Variants in PCDHGB4 observed in about 807,000 individuals in gnomAD.
PCDHGB4 encodes the protein protocadherin gamma-B4.
In PCDHGB4, 38 loss-of-function variants were observed where a neutral mutation model predicts 60.5. That is an observed-to-expected ratio of 0.63 (90% CI 0.48 to 0.82). The LOEUF (loss-of-function observed/expected upper bound fraction) is 0.82, where lower values mean the gene tolerates loss of function less well. Ranked by LOEUF, PCDHGB4 falls within the 40% of genes least tolerant of loss-of-function variation. PCDHGB4 has a pLI of 0.00. For missense variants in PCDHGB4, 1,109 were observed against 1,209.6 expected, an observed-to-expected ratio of 0.92 and a Z score of 1.23; for synonymous variants, 456 against 509.7, an observed-to-expected ratio of 0.89 and a Z score of 1.42.
chr5:141,421,031 T>A, intron 1 of PCDHGB4: 1 of 529,760 alleles, frequency 1.9e-6, no homozygotes, highest in Non-Finnish European at 3.3e-6. Context: ...CGCCATTGAG[T>A]CCCTCCCTCC....
chr5:141,406,761 A>T (rs1327829124), intron 1 of PCDHGB4, among the ~76,000 whole-genome samples: 1 of 152,234 alleles, frequency 6.6e-6, no homozygotes. Flanking sequence ...ACAAGGAATT[A>T]AAAATATTTC....
At chr5:141,408,556 T>G (rs1215804867) in intron 1 of PCDHGB4, 1 of 1,613,940 alleles carries the variant, frequency 6.2e-7, no homozygotes, top group Non-Finnish European at 8.5e-7. Context: ...ATATTTTTCA[T>G]GTCATTGTGG....
chr5:141,493,340 T>C lies in PCDHGB4; in HGVS notation c.2398-1467T>C, dbSNP rs889623993. Among the ~76,000 whole-genome samples, 1 of 152,202 alleles carries C rather than the reference T, an allele frequency of 6.6e-6. No homozygotes were observed. Among genetic ancestry groups the C allele is most frequent in the Admixed American group, 6.5e-5 (1 of 15,288 alleles). Reference sequence around the variant, plus strand: ...TTCTAACCCCTGTCTAACTCCAGAATGTGTGCTTTTAATTTCTTGGCACTT... The same window carrying C: ...TTCTAACCCCTGTCTAACTCCAGAACGTGTGCTTTTAATTTCTTGGCACTT... On this transcript the variant is annotated intron_variant, in intron 1 of 3. Coordinates refer to ENST00000519479, the MANE Select transcript of PCDHGB4 (RefSeq NM_003736.4). The surrounding 1 kb of genome is among the most constrained non-coding windows in gnomAD (Gnocchi z 4.3).
rs2096315825 is a variant in PCDHGB4 at position 141,419,028 on chromosome 5, T to C, written c.2397+28747T>C. On this transcript the variant is annotated intron_variant, in intron 1 of 3. Coordinates refer to ENST00000519479, the MANE Select transcript of PCDHGB4 (RefSeq NM_003736.4). ...GTCAGGTGTAGCTTAAGTAGAGGTG[T>C]TCCATTTAAGATTCATTCTTCTTCT... 5.0e-6 allele frequency: 8 copies of C among 1,613,638 alleles called. No individual in the cohort carries two copies. The South Asian group carries it at 8.8e-5, about 18-fold the overall frequency.
intron 1 of PCDHGB4, chr5:141,394,616 C>T (rs2093043198): frequency 1.2e-6 from 2 of 1,613,490 alleles, no homozygotes; most frequent in East Asian, 2.2e-5. Flanking sequence ...CGGGCCAGAA[C>T]GCCTGGCTGT....
At chr5:141,499,606 C>T (rs2099792968) in intron 2 of PCDHGB4, among the ~76,000 whole-genome samples, 1 of 152,028 alleles carries the variant, frequency 6.6e-6, no homozygotes, top group African/African-American at 2.4e-5. Context: ...TATCCCTACC[C>T]TTATCCTGTC....
chr5:141,399,091 G>A (rs1299050213), intron 1 of PCDHGB4: 2 of 1,613,762 alleles, frequency 1.2e-6, no homozygotes, highest in South Asian at 1.1e-5. Context: ...GGATGGTGGT[G>A]GACTGGTTGC....
At chr5:141,415,809 CTA>C in intron 1 of PCDHGB4, 1 of 1,346,328 alleles carries the variant, frequency 7.4e-7, no homozygotes, top group Non-Finnish European at 9.5e-7. Flanking sequence ...CAATCAAGGC[CTA>C]TATATCATAA....
chr5:141,400,091 C>T, intron 1 of PCDHGB4: 4 of 1,614,072 alleles, frequency 2.5e-6, no homozygotes, highest in South Asian at 1.1e-5. Context: ...GCCACCGCCA[C>T]GCTGCACTTG....
intron 1 of PCDHGB4, among the ~76,000 whole-genome samples, chr5:141,446,610 G>A (rs1167777615): frequency 6.6e-6 from 1 of 152,098 alleles, no homozygotes; most frequent in Non-Finnish European, 1.5e-5. Flanking sequence ...CTGAGTAGCT[G>A]GGACTACAGG....
At chr5:141,478,567 C>T (rs371741874) in intron 1 of PCDHGB4, 20 of 1,593,698 alleles carry the variant, frequency 1.3e-5, no homozygotes, top group Non-Finnish European at 1.7e-5. Flanking sequence ...GCAAGTCATG[C>T]TTGACCCTGT....
intron 1 of PCDHGB4, chr5:141,427,712 C>A: frequency 9.5e-7 from 1 of 1,051,464 alleles, no homozygotes; most frequent in Non-Finnish European, 1.4e-6. Context: ...GCGCCTCTGA[C>A]CTGGACCTAG....
intron 1 of PCDHGB4, chr5:141,427,842 C>T: frequency 6.5e-7 from 1 of 1,549,268 alleles, no homozygotes. Flanking sequence ...TGCCTTCGAC[C>T]ACGAGCAGCT....
rs187873649 is a variant in PCDHGB4, at chr5:141,469,715, G to A, written c.2398-25092G>A. ...TATGACCTAGTAATCACACTATTAG[G>A]AATTTATCATAAATACACACCTCAA... On this transcript the variant is annotated intron_variant, in intron 1 of 3. Coordinates refer to ENST00000519479, the MANE Select transcript of PCDHGB4 (RefSeq NM_003736.4). Among the ~76,000 whole-genome samples, 552 of 152,160 alleles carry A rather than the reference G, an allele frequency of 3.6e-3. 1 individual carries two copies. Among genetic ancestry groups the A allele is most frequent in the Non-Finnish European group, 5.8e-3 (397 of 68,008 alleles).
chr5:141,398,889 C>A (rs1300521650), intron 1 of PCDHGB4: 2 of 1,613,958 alleles, frequency 1.2e-6, no homozygotes, highest in Non-Finnish European at 1.7e-6. Context: ...TTCGGGAAAA[C>A]GTGCCACCAG....
At chr5:141,419,301 T>G in intron 1 of PCDHGB4, 6 of 1,613,998 alleles carry the variant, frequency 3.7e-6, no homozygotes, top group Non-Finnish European at 5.1e-6. Context: ...GACCCAGACT[T>G]CGGGCTCAAC....
At chr5:141,418,512 G>C (rs776986277) in intron 1 of PCDHGB4, 1 of 1,613,966 alleles carries the variant, frequency 6.2e-7, no homozygotes, top group Non-Finnish European at 8.5e-7. Context: ...TTAGATGGTG[G>C]GGACCCTCCC....
intron 1 of PCDHGB4, among the ~76,000 whole-genome samples, chr5:141,488,117 G>A (rs1231303931): frequency 6.6e-6 from 1 of 152,190 alleles, no homozygotes; most frequent in African/African-American, 2.4e-5. Flanking sequence ...GAAACATAGA[G>A]ACAGCAGAAA....
At chr5:141,426,655 A>C (rs2096950037) in intron 1 of PCDHGB4, 1 of 424,748 alleles carries the variant, frequency 2.4e-6, no homozygotes, top group Non-Finnish European at 4.8e-6. Flanking sequence ...ATGATAGAAG[A>C]TATAAATGAT....
Sources: allele counts gnomAD v4.1 joint callset (sites outside exome capture counted in the v4.1 genomes callset), GRCh38; gene constraint gnomAD v4.1.1; non-coding constraint Gnocchi (gnomAD v3.1); transcripts MANE v1.5; gene names NCBI Gene and HGNC (gene_info 2026-07-23, HGNC 2026-07-21).